The following UBAP2 variants were observed in gnomAD, a reference collection of about 807,000 sequenced individuals.
UBAP2 encodes the protein ubiquitin associated protein 2, also known as ubiquitin-associated protein 2.
In UBAP2, 75 loss-of-function variants were observed where a neutral mutation model predicts 139.6. The observed-to-expected ratio is 0.54, with a 90% CI of 0.45 to 0.65. UBAP2 has a LOEUF of 0.65. Ranked by LOEUF, UBAP2 falls within the 30% of genes least tolerant of loss-of-function variation. UBAP2 has a pLI of 0.00. For synonymous variants in UBAP2, 526 were observed against 526.2 expected (o/e 1.00, Z 0.01); for missense variants, 1,368 against 1,369.6 (o/e 1.00, Z 0.02).
chr9:33,976,041 T>C (rs1400476067), intron 6 of UBAP2, among the ~76,000 whole-genome samples: 1 of 152,138 alleles, frequency 6.6e-6, no homozygotes, highest in African/African-American at 2.4e-5. Context: ...CAAAGCGAGA[T>C]GCCACCTCTA....
chr9:34,020,274 G>A (rs1564066587), intron 1 of UBAP2, among the ~76,000 whole-genome samples: 2 of 151,260 alleles, frequency 1.3e-5, no homozygotes, highest in African/African-American at 4.9e-5. Flanking sequence ...GGTCTTCAGC[G>A]CAATAACACA....
rs745837123 is a variant in UBAP2 at position 33,953,417 on chromosome 9, G to A, written c.924C>T (p.Ala308=). 3.7e-6 allele frequency: 6 copies of A among 1,614,132 alleles called. No individual in the cohort carries two copies. Among genetic ancestry groups the A allele is most frequent in the Non-Finnish European group, 5.1e-6 (6 of 1,180,022 alleles). ...KPVPHSQASE[A]NSFETSQQQG... Reference sequence around the variant, plus strand: ...GCTGTTGGGAAGTTTCAAAGGAGTTGGCTTCTGAGGCTTGACTGTGAGGAA... The same window carrying A: ...GCTGTTGGGAAGTTTCAAAGGAGTTAGCTTCTGAGGCTTGACTGTGAGGAA... Residue 308 remains alanine (A), a synonymous_variant, in exon 12 of 29, where the codon GCC becomes GCT. Transcript: ENST00000379238.
At chr9:34,027,582 G>A (rs552600926) in intron 1 of UBAP2, among the ~76,000 whole-genome samples, 1 of 152,082 alleles carries the variant, frequency 6.6e-6, no homozygotes, top group Admixed American at 6.6e-5. Flanking sequence ...AATAGGCCAG[G>A]CACGGTGGCT....
At chr9:34,010,629 T>C (rs955989143) in intron 2 of UBAP2, among the ~76,000 whole-genome samples, 1 of 152,102 alleles carries the variant, frequency 6.6e-6, no homozygotes, top group Non-Finnish European at 1.5e-5. Flanking sequence ...ATATTGACTG[T>C]ACAACTCTCA....
At position 33,971,750 on chromosome 9, in the gene UBAP2, A is replaced by G. The variant is rs774227044; in HGVS notation, c.580T>C (p.Phe194Leu). 1 of 1,583,432 alleles carries G rather than the reference A, an allele frequency of 6.3e-7. No homozygotes were observed. Among genetic ancestry groups the G allele is most frequent in the South Asian group, 1.1e-5 (1 of 90,434 alleles). The change falls in exon 8 of 29, where the codon TTT (phenylalanine) becomes CTT (leucine). Residue 194 changes from phenylalanine (F) to leucine (L), a missense_variant. By Grantham distance (22) the Phe-to-Leu change is conservative. Transcript: ENST00000379238. ...GAATCTGAATAGTCTGCAGGATTAAATGTCCTGGGGTTTGAAATAAAGAAA... is the reference window on the plus strand; with the variant it reads ...GAATCTGAATAGTCTGCAGGATTAAGTGTCCTGGGGTTTGAAATAAAGAAA... ...GRFSTQGMGT[F>L]NPADYSDSTS...
chr9:33,996,676 A>C (rs1174896787), intron 3 of UBAP2: 2 of 216,504 alleles, frequency 9.2e-6, no homozygotes, highest in Non-Finnish European at 1.8e-5. Context: ...CAGGATTCCT[A>C]AACTTAAATA....
chr9:34,046,952 A>G (rs1366978889), intron 1 of UBAP2, among the ~76,000 whole-genome samples: 3 of 152,098 alleles, frequency 2.0e-5, no homozygotes, highest in African/African-American at 7.2e-5. Flanking sequence ...TGTTGTTCCA[A>G]TATAGTTCTA....
chr9:34,038,093 G>A (rs566817176), intron 1 of UBAP2, among the ~76,000 whole-genome samples: 34 of 147,980 alleles, frequency 2.3e-4, no homozygotes, highest in Middle Eastern at 3.4e-3. Flanking sequence ...TGAGCACGGG[G>A]AGTTCAAGGC....
At chr9:33,977,326 C>G (rs1051699233) in intron 6 of UBAP2, among the ~76,000 whole-genome samples, 1 of 151,934 alleles carries the variant, frequency 6.6e-6, no homozygotes, top group Non-Finnish European at 1.5e-5. Context: ...CGTGAACCAC[C>G]GCGCCCAGCC....
chr9:33,960,546 C>T (rs573661036), intron 10 of UBAP2, among the ~76,000 whole-genome samples: 3 of 151,914 alleles, frequency 2.0e-5, no homozygotes, highest in Non-Finnish European at 2.9e-5. Flanking sequence ...GAGGTTGAGG[C>T]GGGTGTATCA....
intron 1 of UBAP2, among the ~76,000 whole-genome samples, chr9:34,036,804 C>T (rs959858937): frequency 2.7e-4 from 37 of 137,884 alleles, no homozygotes; most frequent in South Asian, 1.2e-3. Context: ...TTAAGTTTTT[C>T]TCTTTTTTTT....
At chr9:33,998,990 T>G in intron 2 of UBAP2, 126 bp from the exon 3 acceptor site, 2 of 696,648 alleles carry the variant, frequency 2.9e-6, no homozygotes, top group East Asian at 5.3e-5. Context: ...TAAAAGACAG[T>G]GAATTTAGGC....
chr9:33,976,491 A>G (rs539650093), intron 6 of UBAP2, among the ~76,000 whole-genome samples: 9 of 152,358 alleles, frequency 5.9e-5, no homozygotes, highest in Non-Finnish European at 1.2e-4. Flanking sequence ...AAAAACCTAC[A>G]GAAACAGAAA....
intron 8 of UBAP2, among the ~76,000 whole-genome samples, chr9:33,967,202 TTG>T (rs1276380039): frequency 9.2e-5 from 14 of 152,260 alleles, no homozygotes; most frequent in Non-Finnish European, 2.1e-4. Flanking sequence ...TTCATGAAAC[TTG>T]TGTCTTGCAT....
At chr9:34,003,773 T>G (rs906021549) in intron 2 of UBAP2, among the ~76,000 whole-genome samples, 1 of 151,652 alleles carries the variant, frequency 6.6e-6, no homozygotes, top group African/African-American at 2.4e-5. Flanking sequence ...CAGGCTGGAG[T>G]GCAGTGGTGC....
intron 26 of UBAP2, 33 bp downstream of exon 26, chr9:33,923,153 G>A: frequency 6.2e-7 from 1 of 1,613,028 alleles, no homozygotes; most frequent in South Asian, 1.1e-5. Flanking sequence ...CACCACTCCA[G>A]GCCTTATCCT....
At chr9:33,938,795 C>CAAAAAAA (rs10577457) in intron 16 of UBAP2, 1 of 291,100 alleles carries the variant, frequency 3.4e-6, no homozygotes, top group African/African-American at 3.0e-5. Flanking sequence ...GACTCCATCT[C>CAAAAAAA]AAAAAAAAAA....
chr9:33,986,828 T>C lies in UBAP2; in HGVS notation c.452A>G (p.Glu151Gly), dbSNP rs199823531. Residue 151 changes from glutamate (E) to glycine (G), a missense_variant, in exon 6 of 29, where the codon GAA becomes GGA. Glu to Gly is a moderately conservative substitution (Grantham distance 98). Transcript: ENST00000379238. ...GGNRGREFRGEENGIDCNQVD... is the reference protein window; with the variant it reads ...GGNRGREFRGGENGIDCNQVD... ...TTGATTGCAATCAATTCCATTTTCT[T>C]CACCTCTAACTAGGGGGAAAAGAGC... The C allele has an allele frequency of 8.6e-4, 1,391 of 1,614,104 alleles. 15 individuals are homozygous for C. Among genetic ancestry groups the C allele is most frequent in the Non-Finnish European group, 1.7e-4 (203 of 1,179,980 alleles).
Position 34,016,370 on chromosome 9 carries a change from C to CGGCGGTGGTGGTGGT in UBAP2, c.99+679_99+680insACCACCACCACCGCC, listed in dbSNP as rs1321174650. 9.8e-4 allele frequency among the ~76,000 whole-genome samples: 92 copies of CGGCGGTGGTGGTGGT among 93,734 alleles called. 2 individuals carry two copies. Among genetic ancestry groups the CGGCGGTGGTGGTGGT allele is most frequent in the African/African-American group, 4.2e-3 (87 of 20,546 alleles). 61.5% of individuals were successfully genotyped at this position (93,734 alleles called of 152,430 possible). On this transcript the variant is annotated intron_variant, in intron 2 of 28. Transcript: ENST00000379238. ...GAGGAGGCAGCAGCGGCGGCAGCGG[C>CGGCGGTGGTGGTGGT]GGTGGTGGTGGTGGTGGTGGTGGTG...
Sources: allele counts gnomAD v4.1 joint callset (sites outside exome capture counted in the v4.1 genomes callset), GRCh38; gene constraint gnomAD v4.1.1; transcripts MANE v1.5; gene names NCBI Gene and HGNC (gene_info 2026-07-23, HGNC 2026-07-21).